The following PLAAT1 variants were observed in gnomAD, a reference collection of about 807,000 sequenced individuals.
PLAAT1 encodes the protein phospholipase A and acyltransferase 1, also known as H-REV107 protein-related protein.
PLAAT1 carries 13 observed loss-of-function variants against 16.4 expected under a neutral mutation model. The ratio of observed to expected loss-of-function variants is 0.79; its 90% CI spans 0.52 to 1.26. PLAAT1 has a LOEUF of 1.26. PLAAT1 is among the 50% of genes most tolerant of loss of function. PLAAT1 has a pLI of 0.00. For synonymous variants in PLAAT1, 73 were observed against 78.4 expected (o/e 0.93, Z 0.36); for missense variants, 218 against 207.8 (o/e 1.05, Z -0.30).
At chr3:193,276,860 T>A (rs1717237857) in intron 2 of PLAAT1, 1 of 1,486,730 alleles carries the variant, frequency 6.7e-7, no homozygotes, top group Non-Finnish European at 9.3e-7. Context: ...ATTATTATAT[T>A]TTGCACACTT....
At chr3:193,252,410 T>C (rs976418279) in intron 1 of PLAAT1, among the ~76,000 whole-genome samples, 2 of 152,194 alleles carry the variant, frequency 1.3e-5, no homozygotes, top group African/African-American at 4.8e-5. Flanking sequence ...ATTGTTTGCT[T>C]TTTTATTGTT....
At chr3:193,276,356 T>C (rs946723182) in intron 2 of PLAAT1, among the ~76,000 whole-genome samples, 48 of 152,332 alleles carry the variant, frequency 3.2e-4, no homozygotes, top group African/African-American at 9.9e-4. Context: ...CAACGGCTTC[T>C]CCTCTTTCTT....
chr3:193,276,874 A>G (rs747929695), intron 2 of PLAAT1: 1 of 1,376,976 alleles, frequency 7.3e-7, no homozygotes, highest in South Asian at 1.2e-5. Flanking sequence ...CACACTTCAC[A>G]CTTTGAAAAA....
At chr3:193,264,299 C>T (rs2108798947) in intron 3 of PLAAT1, among the ~76,000 whole-genome samples, 1 of 152,266 alleles carries the variant, frequency 6.6e-6, no homozygotes, top group South Asian at 2.1e-4. Context: ...AACGCTGCAC[C>T]TCTTGAGCCT....
At chr3:193,264,496 TTTC>T (rs1251494083) in intron 3 of PLAAT1, among the ~76,000 whole-genome samples, 4 of 121,382 alleles carry the variant, frequency 3.3e-5, no homozygotes, top group Non-Finnish European at 4.9e-5. Flanking sequence ...TTGTTGTTTG[TTTC>T]TTCTTCTTCT....
intron 1 of PLAAT1, among the ~76,000 whole-genome samples, chr3:193,254,289 CT>C (rs1360740378): frequency 6.6e-6 from 1 of 152,114 alleles, no homozygotes; most frequent in African/African-American, 2.4e-5. Context: ...ATAAAAAAGA[CT>C]TTTAGAGTGC....
At chr3:193,260,952 A>G (rs1236534157) in intron 2 of PLAAT1, among the ~76,000 whole-genome samples, 1 of 152,220 alleles carries the variant, frequency 6.6e-6, no homozygotes, top group Non-Finnish European at 1.5e-5. Context: ...GTCTTATTCA[A>G]AATATTACTA....
At chr3:193,258,328 C>T (rs1190415201) in intron 2 of PLAAT1, among the ~76,000 whole-genome samples, 1 of 152,056 alleles carries the variant, frequency 6.6e-6, no homozygotes, top group Non-Finnish European at 1.5e-5. Flanking sequence ...CTCAGATTAA[C>T]AACCTAATAT....
downstream of PLAAT1, among the ~76,000 whole-genome samples, chr3:193,271,619 C>T (rs1716982822): frequency 6.6e-6 from 1 of 152,130 alleles, no homozygotes; most frequent in Admixed American, 6.5e-5. Context: ...CTCTCTCTAA[C>T]CTAGGATTAC....
chr3:193,251,258 C>A (rs1716183371), intron 1 of PLAAT1, among the ~76,000 whole-genome samples: 2 of 152,172 alleles, frequency 1.3e-5, no homozygotes, highest in Admixed American at 1.3e-4. Context: ...GCCTCTTTTC[C>A]TTGAGAAATT....
At chr3:193,246,301 A>G (rs1190526277) in intron 1 of PLAAT1, among the ~76,000 whole-genome samples, 3 of 151,988 alleles carry the variant, frequency 2.0e-5, no homozygotes, top group Non-Finnish European at 2.9e-5. Flanking sequence ...TTCTGCATCT[A>G]CTGAGATACT....
intron 1 of PLAAT1, among the ~76,000 whole-genome samples, chr3:193,251,927 T>C (rs1215355301): frequency 6.6e-6 from 1 of 152,146 alleles, no homozygotes; most frequent in Non-Finnish European, 1.5e-5. Flanking sequence ...ATTGTGGTTT[T>C]AATTTTGCAT....
intron 3 of PLAAT1, among the ~76,000 whole-genome samples, chr3:193,265,426 T>G (rs905089679): frequency 1.3e-5 from 2 of 152,172 alleles, no homozygotes; most frequent in Non-Finnish European, 2.9e-5. Flanking sequence ...ATGAGATGCC[T>G]AGAATAGGGA....
At chr3:193,268,718 C>T (rs1365510811) in intron 3 of PLAAT1, among the ~76,000 whole-genome samples, 1 of 152,136 alleles carries the variant, frequency 6.6e-6, no homozygotes, top group Non-Finnish European at 1.5e-5. Context: ...CTTAAAGTGG[C>T]TTTATGATCA....
At chr3:193,243,931 C>A (rs1417155366) in intron 1 of PLAAT1, among the ~76,000 whole-genome samples, 1 of 152,184 alleles carries the variant, frequency 6.6e-6, no homozygotes, top group Non-Finnish European at 1.5e-5. Flanking sequence ...ATAATTGTAT[C>A]ATTTCAAGAA....
At chr3:193,249,506 A>G (rs769916381) in intron 1 of PLAAT1, among the ~76,000 whole-genome samples, 3 of 152,078 alleles carry the variant, frequency 2.0e-5, no homozygotes, top group Non-Finnish European at 4.4e-5. Context: ...TCCTTTCATT[A>G]TATGTTGTTT....
At chr3:193,275,518 T>G (rs1288780157), downstream of PLAAT1, among the ~76,000 whole-genome samples, 1 of 152,206 alleles carries the variant, frequency 6.6e-6, no homozygotes, top group Non-Finnish European at 1.5e-5. Flanking sequence ...TTCCAGCATT[T>G]CCTTTTCACA....
At chr3:193,242,401 G>T (rs946799710) in intron 1 of PLAAT1, among the ~76,000 whole-genome samples, 1 of 152,164 alleles carries the variant, frequency 6.6e-6, no homozygotes, top group Non-Finnish European at 1.5e-5. Flanking sequence ...GAGTGGAGGA[G>T]AGAGGGGGAG....
chr3:193,244,514 C>T (rs555579618), intron 1 of PLAAT1, among the ~76,000 whole-genome samples: 7 of 150,864 alleles, frequency 4.6e-5, no homozygotes, highest in South Asian at 2.1e-4. Context: ...TGGGGTACAA[C>T]GTGATGTTTT....
Sources: allele counts gnomAD v4.1 joint callset (sites outside exome capture counted in the v4.1 genomes callset), GRCh38; gene constraint gnomAD v4.1.1; transcripts MANE v1.5; gene names NCBI Gene and HGNC (gene_info 2026-07-23, HGNC 2026-07-21).